The following CSMD1 variants were observed in gnomAD, a reference collection of about 807,000 sequenced individuals.
CSMD1 encodes CUB and Sushi multiple domains 1.
CSMD1 carries 213 observed loss-of-function variants against 417.5 expected under a neutral mutation model. The ratio of observed to expected loss-of-function variants is 0.51; its 90% CI spans 0.46 to 0.57. CSMD1 has a LOEUF of 0.57. CSMD1 is among the 20% of genes least tolerant of loss of function. CSMD1 has a pLI of 0.00. For synonymous variants in CSMD1, 2,862 were observed against 1,736.8 expected (o/e 1.65, Z -16.11); for missense variants, 6,923 against 4,529.7 (o/e 1.53, Z -15.17).
intron 3 of CSMD1, among the ~76,000 whole-genome samples, chr8:4,223,308 C>A (rs55883145): frequency 6.6e-6 from 1 of 152,228 alleles, no homozygotes; most frequent in Non-Finnish European, 1.5e-5. Context: ...CCTGCACACT[C>A]GTGGGGACTC....
chr8:4,362,846 G>A (rs536715240), intron 3 of CSMD1, among the ~76,000 whole-genome samples: 3 of 152,110 alleles, frequency 2.0e-5, no homozygotes, highest in African/African-American at 7.2e-5. Context: ...TTCCCCATTG[G>A]TTATCAGGGT....
rs57747377 is a variant in CSMD1 at position 4,519,742 on chromosome 8, C to CAAAAAAAAAAAAAAAAAAAAAA, written c.303-99699_303-99678dup. Among the ~76,000 whole-genome samples, 16 of 80,366 alleles carry CAAAAAAAAAAAAAAAAAAAAAA rather than the reference C, an allele frequency of 2.0e-4. 7 individuals carry two copies. Among genetic ancestry groups the CAAAAAAAAAAAAAAAAAAAAAA allele is most frequent in the African/African-American group, 4.7e-4 (9 of 19,120 alleles). The allele number at this position is 80,366 out of a possible 152,430, so 52.7% of individuals were successfully genotyped here. A position where few individuals can be genotyped will look rare whatever the true frequency, so the allele number is the denominator to read the frequency against. ...TAGGCAGCAGAGTCAGACTTCATCT[C>CAAAAAAAAAAAAAAAAAAAAAA]AAAAAAAAAAAAAAAAAAAAAAAAA... On this transcript the variant is annotated intron_variant, in intron 2 of 69. Transcript: ENST00000635120.
At chr8:3,734,394 T>A (rs371899512) in intron 6 of CSMD1, among the ~76,000 whole-genome samples, 1 of 152,154 alleles carries the variant, frequency 6.6e-6, no homozygotes, top group Non-Finnish European at 1.5e-5. Context: ...CCTGGAAGCA[T>A]TGGGAACACT....
At chr8:4,773,547 T>A (rs974730115) in intron 1 of CSMD1, among the ~76,000 whole-genome samples, 3 of 152,134 alleles carry the variant, frequency 2.0e-5, no homozygotes, top group African/African-American at 7.2e-5. Context: ...TGAAAGAAAG[T>A]TACTTTTACT....
chr8:3,476,536 A>G (rs1010456813), intron 11 of CSMD1, among the ~76,000 whole-genome samples: 3 of 152,128 alleles, frequency 2.0e-5, no homozygotes, highest in African/African-American at 7.2e-5. Context: ...TGGCGGTACC[A>G]CTTGGCTTTT....
chr8:4,893,699 T>A (rs1184867096), intron 1 of CSMD1, among the ~76,000 whole-genome samples: 4 of 152,180 alleles, frequency 2.6e-5, no homozygotes, highest in African/African-American at 9.7e-5. Context: ...TACCATAGTC[T>A]AAACTCACAT....
intron 5 of CSMD1, among the ~76,000 whole-genome samples, chr8:3,835,303 G>C (rs1267495969): frequency 1.3e-5 from 2 of 152,050 alleles, no homozygotes; most frequent in Non-Finnish European, 2.9e-5. Context: ...CAATAGCAAA[G>C]ACTTGGAACC....
intron 5 of CSMD1, among the ~76,000 whole-genome samples, chr8:3,919,050 T>G (rs1809033514): frequency 6.6e-6 from 1 of 151,930 alleles, no homozygotes; most frequent in Non-Finnish European, 1.5e-5. Flanking sequence ...AAATATGTGG[T>G]TGTAAAAATT....
At chr8:4,714,944 T>C (rs1031989842) in intron 1 of CSMD1, among the ~76,000 whole-genome samples, 1 of 152,244 alleles carries the variant, frequency 6.6e-6, no homozygotes, top group African/African-American at 2.4e-5. Flanking sequence ...GTCTAGAGAA[T>C]TCTGCTGCTG....
At chr8:3,207,307 C>T (rs1057415699) in intron 30 of CSMD1, among the ~76,000 whole-genome samples, 3 of 150,126 alleles carry the variant, frequency 2.0e-5, no homozygotes, top group Non-Finnish European at 4.4e-5. Flanking sequence ...GCCAACACAC[C>T]TGGCTGATTT....
At chr8:3,305,746 C>A (rs901494220) in intron 25 of CSMD1, among the ~76,000 whole-genome samples, 1 of 152,156 alleles carries the variant, frequency 6.6e-6, no homozygotes, top group Non-Finnish European at 1.5e-5. Flanking sequence ...GTGGCACGAT[C>A]TCAGCTCACT....
At chr8:3,490,209 C>G (rs933407514) in intron 11 of CSMD1, among the ~76,000 whole-genome samples, 1 of 152,130 alleles carries the variant, frequency 6.6e-6, no homozygotes, top group African/African-American at 2.4e-5. Context: ...CAGCTGATCC[C>G]GGCTGCATTA....
chr8:4,270,073 G>C (rs116576880), intron 3 of CSMD1, among the ~76,000 whole-genome samples: 22 of 152,276 alleles, frequency 1.4e-4, no homozygotes, highest in African/African-American at 5.1e-4. Context: ...AGCTTCTGAG[G>C]AGAGAAACAT....
intron 3 of CSMD1, among the ~76,000 whole-genome samples, chr8:4,290,769 G>A (rs79982423): frequency 0.022 from 3,379 of 152,222 alleles, 140 homozygotes; most frequent in African/African-American, 0.077. Context: ...TTTCTATTCT[G>A]TAAGTCTGAT....
intron 3 of CSMD1, among the ~76,000 whole-genome samples, chr8:4,408,344 G>A (rs969821290): frequency 6.6e-6 from 1 of 152,188 alleles, no homozygotes; most frequent in Non-Finnish European, 1.5e-5. Flanking sequence ...CTGGGAAGCT[G>A]TCTGGAAAGG....
intron 41 of CSMD1, among the ~76,000 whole-genome samples, chr8:3,119,781 A>G (rs1011374173): frequency 2.6e-5 from 4 of 152,202 alleles, no homozygotes; most frequent in African/African-American, 9.7e-5. Context: ...TGCAGCAGCA[A>G]AGCCACACCA....
chr8:3,123,970 C>T (rs572545777), intron 41 of CSMD1, among the ~76,000 whole-genome samples: 1 of 152,112 alleles, frequency 6.6e-6, no homozygotes, highest in African/African-American at 2.4e-5. Context: ...AAGGCTCTAG[C>T]GCCCTTCTGC....
At chr8:4,159,105 G>C (rs974745698) in intron 3 of CSMD1, among the ~76,000 whole-genome samples, 2 of 151,862 alleles carry the variant, frequency 1.3e-5, no homozygotes, top group African/African-American at 4.8e-5. Flanking sequence ...TAGTAGAGAC[G>C]AGGCTTCTCC....
chr8:3,223,837 G>T lies in CSMD1; in HGVS notation c.4376C>A (p.Ala1459Glu). 1.9e-6 allele frequency: 3 copies of T among 1,613,808 alleles called. No homozygotes were observed. The South Asian group carries it at 3.3e-5, about 18-fold the overall frequency. ...AACGGNLTGPAGVILSPNYPQ... is the reference protein window; with the variant it reads ...AACGGNLTGPEGVILSPNYPQ... ...GTAGTTGGGTGACAAAATAACACCTGCTGGGCCCGTCAGATTCCCTCCACA... is the reference window on the plus strand; with the variant it reads ...GTAGTTGGGTGACAAAATAACACCTTCTGGGCCCGTCAGATTCCCTCCACA... The change falls in exon 28 of 70, where the codon GCA (alanine) becomes GAA (glutamate). Residue 1459 changes from alanine (A) to glutamate (E), a missense_variant. Coordinates refer to ENST00000635120, the MANE Select transcript of CSMD1 (RefSeq NM_033225.6).
Sources: gnomAD v4.1 joint callset for allele counts (sites outside exome capture counted in the v4.1 genomes callset) on GRCh38, gnomAD v4.1.1 for gene constraint, MANE v1.5 for transcripts, NCBI Gene and HGNC (gene_info 2026-07-23, HGNC 2026-07-21) for gene names.